Variants in CBLN2 observed in about 807,000 individuals in gnomAD.
CBLN2 encodes the protein cerebellin-2.
Under a neutral mutation model 15.0 loss-of-function variants are expected in CBLN2, and 7 were observed. That is an observed-to-expected ratio of 0.47 (90% CI 0.27 to 0.88). CBLN2 has a LOEUF of 0.88. Among genes scored for constraint, CBLN2 ranks in the 40% least tolerant of loss-of-function variants. The pLI is 0.14. For synonymous variants in CBLN2, 149 were observed against 135.2 expected (o/e 1.10, Z -0.71); for missense variants, 242 against 304.5 (o/e 0.79, Z 1.53).
intron 1 of CBLN2, among the ~76,000 whole-genome samples, chr18:72,623,213 C>T (rs1033104940): frequency 6.6e-6 from 1 of 152,124 alleles, no homozygotes. Context: ...CACCAGTCCC[C>T]TCCTTCAACA....
chr18:72,629,509 AAAG>A (rs1378309928), intron 1 of CBLN2, among the ~76,000 whole-genome samples: 6 of 152,146 alleles, frequency 3.9e-5, no homozygotes, highest in Non-Finnish European at 8.8e-5. Flanking sequence ...TTCTAGGTAG[AAAG>A]AAGAAGAAGA....
chr18:72,579,517 G>A (rs2069389274), intron 1 of CBLN2, among the ~76,000 whole-genome samples: 1 of 152,078 alleles, frequency 6.6e-6, no homozygotes, highest in Non-Finnish European at 1.5e-5. Context: ...TGGATCACAA[G>A]GTCAGGGGTT....
At chr18:72,634,636 A>C (rs68096939) in intron 1 of CBLN2, among the ~76,000 whole-genome samples, 1 of 152,034 alleles carries the variant, frequency 6.6e-6, no homozygotes, top group Non-Finnish European at 1.5e-5. Flanking sequence ...AATTAGTTAC[A>C]CTATTCTGCA....
chr18:72,567,268 A>G (rs2144901271), intron 1 of CBLN2, among the ~76,000 whole-genome samples: 1 of 152,274 alleles, frequency 6.6e-6, no homozygotes, highest in South Asian at 2.1e-4. Context: ...AATAAGAAGA[A>G]CTAAACTAGG....
At chr18:72,569,359 T>C (rs1380816639) in intron 1 of CBLN2, among the ~76,000 whole-genome samples, 1 of 152,214 alleles carries the variant, frequency 6.6e-6, no homozygotes, top group African/African-American at 2.4e-5. Context: ...TTGTTTTACA[T>C]TTTTTCCAAA....
At chr18:72,628,915 C>T (rs2069757793) in intron 1 of CBLN2, among the ~76,000 whole-genome samples, 1 of 152,210 alleles carries the variant, frequency 6.6e-6, no homozygotes, top group Admixed American at 6.5e-5. Context: ...TCCCCTTTGG[C>T]CTGTGCATAG....
At chr18:72,636,625 C>G (rs974870441) in intron 1 of CBLN2, among the ~76,000 whole-genome samples, 1 of 152,156 alleles carries the variant, frequency 6.6e-6, no homozygotes. Context: ...TTTTAGGTGG[C>G]TTATATTCTC....
intron 3 of CBLN2, among the ~76,000 whole-genome samples, chr18:72,540,557 C>A (rs762448766): frequency 6.6e-6 from 1 of 152,110 alleles, no homozygotes; most frequent in Non-Finnish European, 1.5e-5. Flanking sequence ...GGAAACCTTA[C>A]TAATAGAGTA....
intron 1 of CBLN2, among the ~76,000 whole-genome samples, chr18:72,617,661 G>A (rs2069671151): frequency 6.6e-6 from 1 of 152,188 alleles, no homozygotes; most frequent in Non-Finnish European, 1.5e-5. Flanking sequence ...AACCTGTTCA[G>A]TTTTGCCACT....
At chr18:72,567,462 G>A (rs951184971) in intron 1 of CBLN2, among the ~76,000 whole-genome samples, 2 of 151,972 alleles carry the variant, frequency 1.3e-5, no homozygotes, top group African/African-American at 4.8e-5. Context: ...TATGTCATCC[G>A]GATGCTGTTA....
intron 1 of CBLN2, among the ~76,000 whole-genome samples, chr18:72,572,071 T>G (rs1278338023): frequency 3.3e-5 from 5 of 152,216 alleles, no homozygotes. Flanking sequence ...TAGAGGCTTT[T>G]GCATCGACTA....
intron 1 of CBLN2, among the ~76,000 whole-genome samples, chr18:72,587,511 T>G (rs1043798480): frequency 6.6e-6 from 1 of 152,074 alleles, no homozygotes; most frequent in Non-Finnish European, 1.5e-5. Context: ...AAGTAGGTTT[T>G]AAAAAAAGAC....
At chr18:72,626,368 T>G (rs182778145) in intron 1 of CBLN2, among the ~76,000 whole-genome samples, 6 of 152,198 alleles carry the variant, frequency 3.9e-5, no homozygotes, top group Admixed American at 3.9e-4. Flanking sequence ...GGAGTTCTTT[T>G]GGTGACATCA....
intron 1 of CBLN2, among the ~76,000 whole-genome samples, chr18:72,617,875 G>T (rs1445602818): frequency 1.3e-5 from 2 of 151,898 alleles, no homozygotes; most frequent in Non-Finnish European, 2.9e-5. Flanking sequence ...ATGAGTTTTT[G>T]TTAAGAAAAA....
At chr18:72,593,614 T>C (rs1336636970) in intron 1 of CBLN2, among the ~76,000 whole-genome samples, 1 of 152,174 alleles carries the variant, frequency 6.6e-6, no homozygotes, top group African/African-American at 2.4e-5. Flanking sequence ...TTTCAGTTTT[T>C]TGCCTTTGAG....
At chr18:72,595,014 T>TC (rs1352783902) in intron 1 of CBLN2, among the ~76,000 whole-genome samples, 1 of 151,900 alleles carries the variant, frequency 6.6e-6, no homozygotes, top group Non-Finnish European at 1.5e-5. Flanking sequence ...GTTTTTTTTT[T>TC]CAATTTAATT....
rs976837867 is a variant in CBLN2 at position 72,543,146 on chromosome 18, C to A, written c.-167+340G>T. The A allele has an allele frequency of 4.4e-6, 1 of 227,204 alleles. No homozygotes were observed. The allele number at this position is 227,204 out of a possible 1,614,324, so 14.1% of individuals were successfully genotyped here. ...CTCTCTTTCTCAGCGGGGCGGCAGC[C>A]CCTGCAGGTTTCTGCGAACTTACGC... On this transcript the variant is annotated intron_variant, in intron 2 of 4. Transcript: ENST00000269503. This position sits in a 1 kb window ranked among gnomAD's most constrained non-coding sequence, Gnocchi z 6.8.
chr18:72,591,519 T>C (rs2069479737), intron 1 of CBLN2, among the ~76,000 whole-genome samples: 1 of 152,160 alleles, frequency 6.6e-6, no homozygotes, highest in African/African-American at 2.4e-5. Flanking sequence ...ATTAAACTCT[T>C]CCATTATTTT....
At chr18:72,638,060 C>T (rs1367976064) in intron 1 of CBLN2, among the ~76,000 whole-genome samples, 1 of 152,176 alleles carries the variant, frequency 6.6e-6, no homozygotes, top group Non-Finnish European at 1.5e-5. Context: ...AGTGAGGGCC[C>T]TGCTATTTCT....
Sources: gnomAD v4.1 joint callset for allele counts (sites outside exome capture counted in the v4.1 genomes callset) on GRCh38, gnomAD v4.1.1 for gene constraint, Gnocchi (gnomAD v3.1) non-coding constraint, MANE v1.5 for transcripts, NCBI Gene and HGNC (gene_info 2026-07-23, HGNC 2026-07-21) for gene names.